COBLL1: variants seen among roughly 807,000 people sequenced by gnomAD.
COBLL1 encodes the protein cordon-bleu WH2 repeat protein like 1.
COBLL1 carries 50 observed loss-of-function variants against 94.8 expected under a neutral mutation model. The ratio of observed to expected loss-of-function variants is 0.53; its 90% CI spans 0.42 to 0.67. The LOEUF (loss-of-function observed/expected upper bound fraction) is 0.67, where lower values mean the gene tolerates loss of function less well. COBLL1 is among the 30% of genes least tolerant of loss of function. The probability of loss-of-function intolerance (pLI) is 0.00; values close to 1 mark genes in which losing one functional copy is unlikely to be tolerated. For synonymous variants in COBLL1, 448 were observed against 473.8 expected (o/e 0.95, Z 0.71); for missense variants, 1,362 against 1,348.7 (o/e 1.01, Z -0.15).
chr2:164,731,459 GAAC>G (rs1413791333), intron 3 of COBLL1, among the ~76,000 whole-genome samples: 1 of 152,096 alleles, frequency 6.6e-6, no homozygotes, highest in Admixed American at 6.5e-5. Flanking sequence ...ATCACTGACA[GAAC>G]AACATAGTCT....
chr2:164,749,570 C>G (rs1266461879), intron 2 of COBLL1, among the ~76,000 whole-genome samples: 3 of 152,136 alleles, frequency 2.0e-5, no homozygotes, highest in Non-Finnish European at 4.4e-5. Flanking sequence ...CTCAGTTTCT[C>G]TGTCTGGGTT....
intron 2 of COBLL1, among the ~76,000 whole-genome samples, chr2:164,765,062 C>A (rs1011547600): frequency 6.6e-6 from 1 of 151,854 alleles, no homozygotes; most frequent in Non-Finnish European, 1.5e-5. Flanking sequence ...ATTAAGCAAC[C>A]ATTCATCAAT....
chr2:164,685,904 T>A lies in COBLL1; in HGVS notation c.*42A>T. On this transcript the variant is annotated 3_prime_UTR_variant, in exon 14 of 14. Coordinates refer to ENST00000652658, the MANE Select transcript of COBLL1 (RefSeq NM_001365672.2). ...AAATGTTCCATTAGTATGAAGTTGG[T>A]CTGAAGTGGAAGTGAAGTGCAGTGG... 1 of 1,164,128 alleles carries A rather than the reference T, an allele frequency of 8.6e-7. No homozygotes were observed. The highest frequency in any genetic ancestry group is 1.3e-6 in the Non-Finnish European group (1 of 784,652). 72.1% of individuals were successfully genotyped at this position (1,164,128 alleles called of 1,614,324 possible).
intron 2 of COBLL1, among the ~76,000 whole-genome samples, chr2:164,752,831 G>A (rs1371758524): frequency 2.0e-5 from 3 of 152,222 alleles, no homozygotes; most frequent in South Asian, 2.1e-4. Flanking sequence ...TTGTGTTACC[G>A]TAAGTAAATC....
rs183316773 is a variant in COBLL1, at chr2:164,812,755, T to C, written c.41+28401A>G. On this transcript the variant is annotated intron_variant, in intron 2 of 13. Coordinates refer to ENST00000652658, the MANE Select transcript of COBLL1 (RefSeq NM_001365672.2). ...AGAGTACGCATTTGATAATTGTTAG[T>C]TGATTCTTGTATTAAAAATTATAAC... Among the ~76,000 whole-genome samples, 569 of 152,242 alleles carry C rather than the reference T, an allele frequency of 3.7e-3. 3 individuals carry two copies. Among genetic ancestry groups the C allele is most frequent in the African/African-American group, 0.013 (547 of 41,566 alleles).
chr2:164,717,922 T>C (rs944473164), intron 7 of COBLL1, among the ~76,000 whole-genome samples: 2 of 152,224 alleles, frequency 1.3e-5, no homozygotes, highest in African/African-American at 4.8e-5. Flanking sequence ...CAATGTACAG[T>C]ATAGTTTAGT....
intron 2 of COBLL1, among the ~76,000 whole-genome samples, chr2:164,774,260 G>C (rs1305704902): frequency 1.3e-5 from 2 of 152,122 alleles, no homozygotes; most frequent in South Asian, 2.1e-4. Context: ...CTTCCTGGCA[G>C]ATGCCCTAAA....
At chr2:164,702,530 C>T (rs971224575) in intron 9 of COBLL1, among the ~76,000 whole-genome samples, 1 of 135,148 alleles carries the variant, frequency 7.4e-6, no homozygotes, top group South Asian at 2.3e-4. Context: ...CGCCACTGCA[C>T]TCCAGCCTGG....
intron 2 of COBLL1, among the ~76,000 whole-genome samples, chr2:164,840,150 CTG>C (rs1179920857): frequency 6.6e-6 from 1 of 152,198 alleles, no homozygotes; most frequent in Non-Finnish European, 1.5e-5. Context: ...ATCAGGAAAA[CTG>C]TACAAGTCTC....
At chr2:164,692,116 G>T in intron 13 of COBLL1, 105 bp downstream of exon 13, 1 of 961,136 alleles carries the variant, frequency 1.0e-6, no homozygotes, top group East Asian at 2.7e-5. Flanking sequence ...GAGTAACTTT[G>T]GGAACCCTAT....
rs73968211 is a variant in COBLL1, at chr2:164,673,829, C to T, written n.127-7928G>A. 2.3e-3 allele frequency among the ~76,000 whole-genome samples: 351 copies of T among 152,086 alleles called. 1 individual carries two copies. Among genetic ancestry groups the T allele is most frequent in the African/African-American group, 8.0e-3 (333 of 41,498 alleles). ...GAATATGTTTAAATGGAAACGAAAA[C>T]AACTTTGGGCAAATTAAACCTAACC... On this transcript the variant is annotated intron_variant and non_coding_transcript_variant, in intron 1 of 2. Transcript: ENST00000495084.
intron 2 of COBLL1, among the ~76,000 whole-genome samples, chr2:164,818,519 T>C (rs1684965707): frequency 6.9e-6 from 1 of 145,556 alleles, no homozygotes; most frequent in Admixed American, 7.1e-5. Context: ...TATGTATACT[T>C]ATATACAATA....
intron 2 of COBLL1, among the ~76,000 whole-genome samples, chr2:164,832,732 G>A (rs189819988): frequency 2.0e-5 from 3 of 152,208 alleles, no homozygotes; most frequent in African/African-American, 7.2e-5. Flanking sequence ...CTGCAGCTCT[G>A]ATTTCAATTG....
At chr2:164,667,063 T>C (rs905335865) in intron 1 of COBLL1, among the ~76,000 whole-genome samples, 2 of 152,104 alleles carry the variant, frequency 1.3e-5, no homozygotes, top group Admixed American at 6.6e-5. Flanking sequence ...CCCCACAAAA[T>C]GTATTTCTTA....
At chr2:164,787,940 T>C (rs964700775) in intron 2 of COBLL1, among the ~76,000 whole-genome samples, 4 of 152,200 alleles carry the variant, frequency 2.6e-5, no homozygotes, top group African/African-American at 9.6e-5. Context: ...AACTTAGAAT[T>C]TGAAAATGTG....
At position 164,708,868 on chromosome 2, in the gene COBLL1, T is replaced by C. The variant is rs576222366; in HGVS notation, c.997-3763A>G. 1.2e-4 allele frequency among the ~76,000 whole-genome samples: 18 copies of C among 152,350 alleles called. No homozygotes were observed. In the South Asian group the frequency reaches 3.1e-3, roughly 26 times the overall value. ...GCTTTCATGAGGTGTATAATAAAAA[T>C]GTGTTCACCTTTAGGTCACATTCCT... On this transcript the variant is annotated intron_variant, in intron 7 of 13. Transcript: ENST00000652658.
At chr2:164,821,635 C>T (rs940165525) in intron 2 of COBLL1, among the ~76,000 whole-genome samples, 2 of 152,154 alleles carry the variant, frequency 1.3e-5, no homozygotes, top group Non-Finnish European at 2.9e-5. Context: ...CCACTGCCAA[C>T]AATAAAGTTT....
rs1326925152 is a variant in COBLL1, at chr2:164,681,453, C to T, written c.*4493G>A. The T allele has an allele frequency of 6.6e-6, 1 of 152,186 alleles. No homozygotes were observed. The highest frequency in any genetic ancestry group is 1.5e-5 in the Non-Finnish European group (1 of 68,050). The allele number at this position is 152,186 out of a possible 1,614,324, so 9.4% of individuals were successfully genotyped here. ...GGCACAGTGTCATTTTCACTTCATT[C>T]TGTTACTCTCAAAACCTGCTCCTAT... On this transcript the variant is annotated 3_prime_UTR_variant, in exon 14 of 14. Coordinates refer to ENST00000652658, the MANE Select transcript of COBLL1 (RefSeq NM_001365672.2).
chr2:164,829,976 C>T (rs1488698820), intron 2 of COBLL1, among the ~76,000 whole-genome samples: 1 of 152,056 alleles, frequency 6.6e-6, no homozygotes, highest in Non-Finnish European at 1.5e-5. Context: ...GACATAGATC[C>T]ACATTCTGAA....
Sources: allele counts gnomAD v4.1 joint callset (sites outside exome capture counted in the v4.1 genomes callset), GRCh38; gene constraint gnomAD v4.1.1; transcripts MANE v1.5; gene names NCBI Gene and HGNC (gene_info 2026-07-23, HGNC 2026-07-21).